The following FNDC1 variants were observed in gnomAD, a reference collection of about 807,000 sequenced individuals.
FNDC1 encodes fibronectin type III domain-containing protein 1.
Under a neutral mutation model 168.0 loss-of-function variants are expected in FNDC1, and 96 were observed. That is an observed-to-expected ratio of 0.57 (90% CI 0.48 to 0.68). FNDC1 has a LOEUF of 0.68. FNDC1 is among the 30% of genes least tolerant of loss of function. The pLI is 0.00. For missense variants in FNDC1, 2,587 were observed against 2,482.1 expected, an observed-to-expected ratio of 1.04 and a Z score of -0.90; for synonymous variants, 1,099 against 1,025.9, an observed-to-expected ratio of 1.07 and a Z score of -1.36.
chr6:159,171,677 C>T (rs1305831456), intron 1 of FNDC1, among the ~76,000 whole-genome samples: 5 of 152,178 alleles, frequency 3.3e-5, no homozygotes, highest in Admixed American at 2.0e-4. Context: ...AGTGTCCCCT[C>T]CTCCACTCAT....
intron 1 of FNDC1, among the ~76,000 whole-genome samples, chr6:159,175,767 C>T (rs1294640577): frequency 2.0e-5 from 3 of 152,200 alleles, no homozygotes; most frequent in Non-Finnish European, 4.4e-5. Flanking sequence ...TAACCTGTTA[C>T]CCAAACTCTT....
chr6:159,265,412 T>C (rs1298935409), intron 20 of FNDC1, among the ~76,000 whole-genome samples: 1 of 152,142 alleles, frequency 6.6e-6, no homozygotes, highest in Non-Finnish European at 1.5e-5. Flanking sequence ...TGGCAAGAAG[T>C]GGAGTCTATG....
chr6:159,234,433 C>G lies in FNDC1; in HGVS notation c.3921C>G (p.Phe1307Leu). ...GCCAGAGGATGATGCATGCCAGATT[C>G]CGTAACCCTCTCTCCCGACAGCCTG... Reference protein sequence around the residue: ...SLRQRMMHARFRNPLSRQPAR... With the variant: ...SLRQRMMHARLRNPLSRQPAR... Residue 1307 changes from phenylalanine (F) to leucine (L), a missense_variant, in exon 11 of 23, where the codon TTC becomes TTG. By Grantham distance (22) the Phe-to-Leu change is conservative. Coordinates refer to ENST00000297267, the MANE Select transcript of FNDC1 (RefSeq NM_032532.3). 1 of 1,613,604 alleles carries G rather than the reference C, an allele frequency of 6.2e-7. No individual in the cohort carries two copies.
intron 1 of FNDC1, among the ~76,000 whole-genome samples, chr6:159,175,988 G>A (rs1174057077): frequency 6.6e-6 from 1 of 152,204 alleles, no homozygotes; most frequent in Non-Finnish European, 1.5e-5. Context: ...TCACAGAGGT[G>A]GTGAGGCTGA....
intron 3 of FNDC1, 138 bp downstream of exon 3, chr6:159,200,220 A>G (rs567329411): frequency 5.8e-6 from 4 of 690,434 alleles, no homozygotes; most frequent in Admixed American, 2.7e-5. Context: ...CTTGTATAGC[A>G]AGCTGACAGA....
rs373307678 is a variant in FNDC1, at chr6:159,232,543, G to A, written c.2031G>A (p.Pro677=). The change falls in exon 11 of 23, where the codon CCG becomes CCA. Residue 677 remains proline (P), a synonymous_variant. Coordinates refer to ENST00000297267, the MANE Select transcript of FNDC1 (RefSeq NM_032532.3). This position sits in a 1 kb window ranked among gnomAD's most constrained non-coding sequence, Gnocchi z 4.9. ...RPALSPSRQS[P]SSVLRDRSSV... is the part of the protein sequence containing the mutation. ...CCCTGTCCCCCAGCCGCCAGTCCCC[G>A]TCCAGCGTTCTCCGCGACAGAAGCT... 1.1e-5 allele frequency: 18 copies of A among 1,612,254 alleles called. No homozygotes were observed. The highest frequency in any genetic ancestry group is 1.5e-5 in the Non-Finnish European group (18 of 1,179,298).
intron 1 of FNDC1, among the ~76,000 whole-genome samples, chr6:159,184,209 C>G (rs1781945537): frequency 2.6e-5 from 4 of 152,212 alleles, no homozygotes; most frequent in Admixed American, 2.6e-4. Context: ...TAAATCACTT[C>G]TATATTGCCA....
chr6:159,262,536 A>G (rs1777507032), intron 19 of FNDC1, among the ~76,000 whole-genome samples: 3 of 152,196 alleles, frequency 2.0e-5, no homozygotes. Flanking sequence ...TGTGATTATG[A>G]CTGCATTTCT....
At chr6:159,170,577 GGTTT>G in intron 1 of FNDC1, among the ~76,000 whole-genome samples, 1 of 152,150 alleles carries the variant, frequency 6.6e-6, no homozygotes, top group Non-Finnish European at 1.5e-5. Context: ...TTAGGTTATT[GGTTT>G]GTAGAAATCC....
chr6:159,256,484 C>T (rs1426265544), intron 17 of FNDC1, 39 bp from the exon 18 acceptor site: 1 of 1,455,510 alleles, frequency 6.9e-7, no homozygotes, highest in South Asian at 1.2e-5. Flanking sequence ...TGACTTGGTT[C>T]CTTGGTGTCC....
chr6:159,200,217 A>G, intron 3 of FNDC1, 135 bp downstream of exon 3: 1 of 708,036 alleles, frequency 1.4e-6, no homozygotes, highest in South Asian at 1.9e-5. Flanking sequence ...AGACTTGTAT[A>G]GCAAGCTGAC....
At chr6:159,191,141 A>T (rs1413349020) in intron 1 of FNDC1, among the ~76,000 whole-genome samples, 1 of 152,218 alleles carries the variant, frequency 6.6e-6, no homozygotes, top group African/African-American at 2.4e-5. Context: ...CTATCATGGG[A>T]CAGCACTAGG....
chr6:159,198,446 C>T (rs1049904622), intron 2 of FNDC1, among the ~76,000 whole-genome samples: 2 of 152,090 alleles, frequency 1.3e-5, no homozygotes, highest in Non-Finnish European at 2.9e-5. Context: ...CTGCATTTGA[C>T]ATCACGCTTC....
At chr6:159,254,362 A>G (rs933162093) in intron 17 of FNDC1, among the ~76,000 whole-genome samples, 12 of 152,224 alleles carry the variant, frequency 7.9e-5, no homozygotes, top group South Asian at 2.1e-4. Flanking sequence ...CATCTCAGAA[A>G]TGAGTCATTG....
In FNDC1 at chr6:159,240,145, C is replaced by A. The variant is rs1783388162; in HGVS notation, c.4621+188C>A. ...CCACAGCTAAGGTTGGAAGACTTAGCAAATAAAAATATTACATGGGACATA... is the reference window on the plus strand; with the variant it reads ...CCACAGCTAAGGTTGGAAGACTTAGAAAATAAAAATATTACATGGGACATA... On this transcript the variant is annotated intron_variant, in intron 14 of 22. Transcript: ENST00000297267. Among the ~76,000 whole-genome samples, 3 of 149,812 alleles carry A rather than the reference C, an allele frequency of 2.0e-5. No homozygotes were observed. The South Asian group carries it at 6.5e-4, about 32-fold the overall frequency.
intron 1 of FNDC1, among the ~76,000 whole-genome samples, chr6:159,190,347 G>A (rs937671586): frequency 3.4e-4 from 52 of 152,364 alleles, no homozygotes; most frequent in Middle Eastern, 3.4e-3. Context: ...GAGGAGTACA[G>A]CCTGGTCGGC....
intron 21 of FNDC1, 149 bp from the exon 22 acceptor site, chr6:159,267,655 A>G (rs1777617750): frequency 1.3e-6 from 1 of 752,436 alleles, no homozygotes; most frequent in Non-Finnish European, 2.1e-6. Flanking sequence ...TGGTGCCATT[A>G]TCACCATTTT....
chr6:159,204,446 C>T (rs1210116230), intron 4 of FNDC1, among the ~76,000 whole-genome samples: 4 of 152,216 alleles, frequency 2.6e-5, no homozygotes, highest in African/African-American at 9.7e-5. Flanking sequence ...ACTTCCTCAA[C>T]ACCCTCACGT....
At chr6:159,200,257 T>C (rs1782347454) in intron 3 of FNDC1, among the ~76,000 whole-genome samples, 175 bp downstream of exon 3, 1 of 152,234 alleles carries the variant, frequency 6.6e-6, no homozygotes, top group African/African-American at 2.4e-5. Context: ...GCTTATCCTT[T>C]CTTTTAAAAT....
Sources: gnomAD v4.1 joint callset for allele counts (sites outside exome capture counted in the v4.1 genomes callset) on GRCh38, gnomAD v4.1.1 for gene constraint, Gnocchi (gnomAD v3.1) non-coding constraint, MANE v1.5 for transcripts, NCBI Gene and HGNC (gene_info 2026-07-23, HGNC 2026-07-21) for gene names.